Variants in SLC25A24 observed in about 807,000 individuals in gnomAD.
SLC25A24 encodes solute carrier family 25 member 24.
Under a neutral mutation model 60.7 loss-of-function variants are expected in SLC25A24, and 49 were observed. The observed-to-expected ratio is 0.81, with a 90% CI of 0.64 to 1.02. The LOEUF (loss-of-function observed/expected upper bound fraction) is 1.02, where lower values mean the gene tolerates loss of function less well. Ranked by LOEUF, SLC25A24 falls within the 50% of genes least tolerant of loss-of-function variation. SLC25A24 has a pLI of 0.00. For synonymous variants in SLC25A24, 202 were observed against 200.6 expected, an observed-to-expected ratio of 1.01 and a Z score of -0.06; for missense variants, 564 against 586.3, an observed-to-expected ratio of 0.96 and a Z score of 0.39.
intron 3 of SLC25A24, among the ~76,000 whole-genome samples, chr1:108,175,655 A>T (rs757325427): frequency 5.3e-5 from 8 of 152,228 alleles, no homozygotes; most frequent in African/African-American, 1.9e-4. Context: ...GTGCCATTGC[A>T]CTCCAGATGG....
At chr1:108,149,997 A>G (rs1030427822) in intron 6 of SLC25A24, among the ~76,000 whole-genome samples, 1 of 152,218 alleles carries the variant, frequency 6.6e-6, no homozygotes, top group Non-Finnish European at 1.5e-5. Flanking sequence ...CACTGCTTCC[A>G]AGGGCTCTGT....
intron 2 of SLC25A24, among the ~76,000 whole-genome samples, chr1:108,183,695 C>A (rs560031433): frequency 6.6e-6 from 1 of 152,180 alleles, no homozygotes; most frequent in African/African-American, 2.4e-5. Context: ...AGCACTTCAG[C>A]ACTACCTTTG....
intron 6 of SLC25A24, 66 bp downstream of exon 6, chr1:108,154,917 T>C: frequency 8.1e-7 from 1 of 1,237,510 alleles, no homozygotes; most frequent in East Asian, 2.4e-5. Context: ...CATTATACAT[T>C]AACATTTATT....
rs1347545041 is a variant in SLC25A24, at chr1:108,150,219, A to C, written c.823-1833T>G. ...ACGTTTAGTGACTGATGGAGGATAA[A>C]TATTTAAAGGATAAGTGCTTGAGGC... is the stretch of plus-strand genomic sequence containing the variant. On this transcript the variant is annotated intron_variant, in intron 6 of 9. Transcript: ENST00000565488. Among the ~76,000 whole-genome samples, 4 of 152,202 alleles carry C rather than the reference A, an allele frequency of 2.6e-5. 1 individual carries two copies. Among genetic ancestry groups the C allele is most frequent in the East Asian group, 1.9e-4 (1 of 5,192 alleles).
chr1:108,172,804 G>A (rs530925130), intron 3 of SLC25A24, among the ~76,000 whole-genome samples: 1 of 152,170 alleles, frequency 6.6e-6, no homozygotes, highest in Non-Finnish European at 1.5e-5. Context: ...TAATGGCTTA[G>A]CACTTGAGGG....
At position 108,185,969 on chromosome 1, in the gene SLC25A24, TAGAG is replaced by T. The variant is rs1558026220; in HGVS notation, c.184-19_184-16del. Reference sequence around the variant, plus strand: ...GTAAAAATTTTCTATAAAAAAAAATTAGAGAGAAGTTATTGCCAATATGGGCTGA... The same window carrying T: ...GTAAAAATTTTCTATAAAAAAAAATTAGAAGTTATTGCCAATATGGGCTGA... On this transcript the variant is annotated splice_polypyrimidine_tract_variant and intron_variant, in intron 1 of 9. Coordinates refer to ENST00000565488, the MANE Select transcript of SLC25A24 (RefSeq NM_013386.5). The T allele has an allele frequency of 5.2e-6, 8 of 1,548,738 alleles. No individual in the cohort carries two copies. In the Admixed American group the frequency reaches 5.7e-5, roughly 11 times the overall value.
intron 6 of SLC25A24, 56 bp from the exon 7 acceptor site, chr1:108,148,442 C>T: frequency 1.0e-6 from 1 of 957,926 alleles, no homozygotes; most frequent in Admixed American, 1.7e-5. Flanking sequence ...TGAGCTGCAC[C>T]CCCACCAAAT....
chr1:108,181,864 G>T, intron 3 of SLC25A24, 77 bp downstream of exon 3: 1 of 1,072,042 alleles, frequency 9.3e-7, no homozygotes. Flanking sequence ...GTGTTTTAAA[G>T]CCACACTTAC....
At chr1:108,196,391 C>A (rs139329542) in intron 1 of SLC25A24, among the ~76,000 whole-genome samples, 1 of 152,234 alleles carries the variant, frequency 6.6e-6, no homozygotes, top group East Asian at 1.9e-4. Flanking sequence ...AACATATGAC[C>A]TTGTTAAAAG....
At position 108,192,581 on chromosome 1, in the gene SLC25A24, T is replaced by C. The variant is rs766413843; in HGVS notation, c.184-6627A>G. ...AATGTCCAAGGTCCCATCCTTGTTA[T>C]AGTCCAGGTACCAAAAGAGATCTCC... On this transcript the variant is annotated intron_variant, in intron 1 of 9. Coordinates refer to ENST00000565488, the MANE Select transcript of SLC25A24 (RefSeq NM_013386.5). 95 of 1,498,786 alleles carry C rather than the reference T, an allele frequency of 6.3e-5. 25 individuals carry two copies. In the South Asian group the frequency reaches 9.6e-4, roughly 15 times the overall value. The allele number at this position is 1,498,786 out of a possible 1,614,324, so 92.8% of individuals were successfully genotyped here. A position where few individuals can be genotyped will look rare whatever the true frequency, so the allele number is the denominator to read the frequency against.
chr1:108,196,903 A>T (rs1571313776), intron 1 of SLC25A24, among the ~76,000 whole-genome samples: 1 of 152,368 alleles, frequency 6.6e-6, no homozygotes, highest in East Asian at 1.9e-4. Context: ...AAATAGGATT[A>T]CTAGACAAGT....
chr1:108,189,224 T>C (rs905533851), intron 1 of SLC25A24, among the ~76,000 whole-genome samples: 5 of 152,190 alleles, frequency 3.3e-5, no homozygotes, highest in African/African-American at 1.2e-4. Context: ...AGAGTTATGA[T>C]TGCCTAATGA....
intron 1 of SLC25A24, among the ~76,000 whole-genome samples, chr1:108,188,786 A>T (rs1011336890): frequency 3.3e-5 from 5 of 152,214 alleles, no homozygotes; most frequent in African/African-American, 1.2e-4. Context: ...TTAGTGGGTG[A>T]TTGGTGGAAG....
At chr1:108,173,846 G>C (rs1006823980) in intron 3 of SLC25A24, among the ~76,000 whole-genome samples, 8 of 152,292 alleles carry the variant, frequency 5.3e-5, no homozygotes, top group Admixed American at 2.0e-4. Flanking sequence ...TTGGGAACTG[G>C]AGCAAAGATG....
intron 3 of SLC25A24, among the ~76,000 whole-genome samples, chr1:108,164,401 G>A (rs1334902307): frequency 1.8e-4 from 27 of 149,408 alleles, no homozygotes; most frequent in Non-Finnish European, 3.3e-4. Context: ...GGTAGAATTC[G>A]GCTGTGAATC....
chr1:108,155,950 A>AACACAC lies in SLC25A24; in HGVS notation c.670-821_670-816dup, dbSNP rs58815373. On this transcript the variant is annotated intron_variant, in intron 5 of 9. Coordinates refer to ENST00000565488, the MANE Select transcript of SLC25A24 (RefSeq NM_013386.5). ...CACATAAAAGGGGTGACTACCACTAAACACACACACACACACACACACACA... is the reference window on the plus strand; with the variant it reads ...CACATAAAAGGGGTGACTACCACTAAACACACACACACACACACACACACACACACA... 7.2e-3 allele frequency among the ~76,000 whole-genome samples: 1,069 copies of AACACAC among 149,234 alleles called. 8 individuals carry two copies. Among genetic ancestry groups the AACACAC allele is most frequent in the African/African-American group, 0.024 (954 of 40,592 alleles).
At chr1:108,144,834 T>C (rs916418701) in intron 7 of SLC25A24, among the ~76,000 whole-genome samples, 1 of 152,256 alleles carries the variant, frequency 6.6e-6, no homozygotes, top group African/African-American at 2.4e-5. Flanking sequence ...CTATCACTGA[T>C]GGGCATTTGG....
At chr1:108,154,863 T>A (rs1679851663) in intron 6 of SLC25A24, 120 bp downstream of exon 6, 1 of 679,884 alleles carries the variant, frequency 1.5e-6, no homozygotes, top group Non-Finnish European at 2.4e-6. Context: ...CCTTATGGAG[T>A]ATATGTGAAA....
At chr1:108,172,921 T>TA (rs1647510516) in intron 3 of SLC25A24, among the ~76,000 whole-genome samples, 1 of 151,972 alleles carries the variant, frequency 6.6e-6, no homozygotes, top group African/African-American at 2.4e-5. Context: ...GTAATAATAA[T>TA]AATAATAATA....
Sources: gnomAD v4.1 joint callset for allele counts (sites outside exome capture counted in the v4.1 genomes callset) on GRCh38, gnomAD v4.1.1 for gene constraint, MANE v1.5 for transcripts, NCBI Gene and HGNC (gene_info 2026-07-23, HGNC 2026-07-21) for gene names.